Variants in UBTD1 observed in about 807,000 individuals in gnomAD.
UBTD1 encodes ubiquitin domain-containing protein 1.
UBTD1 carries 19 observed loss-of-function variants against 21.7 expected under a neutral mutation model. That is an observed-to-expected ratio of 0.87 (90% CI 0.61 to 1.28). UBTD1 has a LOEUF of 1.28. UBTD1 is among the 50% of genes most tolerant of loss of function. The pLI, the probability that UBTD1 is intolerant of heterozygous loss-of-function variation, is 0.00. For missense variants in UBTD1, 282 were observed against 315.1 expected (o/e 0.89, Z 0.80); for synonymous variants, 116 against 135.1 (o/e 0.86, Z 0.98).
chr10:97,502,920 T>TA (rs11270600), intron 1 of UBTD1, among the ~76,000 whole-genome samples: 34,627 of 135,900 alleles, frequency 0.25, 4,702 homozygotes, highest in East Asian at 0.5. Context: ...TATATATATA[T>TA]TTTTTTTTTT....
At position 97,498,984 on chromosome 10, in the gene UBTD1, C is replaced by T. The variant is rs1287986191; in HGVS notation, c.-220C>T. ...GGCACCGTCGCGGGCCCCCCTGGCC[C>T]GGCCACCTGGGACCGTGCTGGGGAG... On this transcript the variant is annotated 5_prime_UTR_variant, in exon 1 of 3. Transcript: ENST00000370664. 4 of 484,604 alleles carry T rather than the reference C, an allele frequency of 8.3e-6. No individual in the cohort carries two copies. Among genetic ancestry groups the T allele is most frequent in the Admixed American group, 4.3e-5 (1 of 23,346 alleles). 30.0% of individuals were successfully genotyped at this position (484,604 alleles called of 1,614,324 possible). A position where few individuals can be genotyped will look rare whatever the true frequency, so the allele number is the denominator to read the frequency against.
intron 1 of UBTD1, among the ~76,000 whole-genome samples, chr10:97,523,429 A>G (rs747351727): frequency 7.2e-5 from 11 of 152,094 alleles, no homozygotes; most frequent in Non-Finnish European, 1.5e-4. Flanking sequence ...TTGGAGAACT[A>G]AAGCTTGCTA....
At chr10:97,507,462 C>T (rs1236517500) in intron 1 of UBTD1, among the ~76,000 whole-genome samples, 1 of 150,474 alleles carries the variant, frequency 6.6e-6, no homozygotes, top group Non-Finnish European at 1.5e-5. Context: ...CATAGTGAGA[C>T]CTCGTCTCTA....
At position 97,528,981 on chromosome 10, in the gene UBTD1, G is replaced by C. The variant is rs547454222; in HGVS notation, c.70+29708G>C. Reference sequence around the variant, plus strand: ...CTCCCTCCCGGACAGGGTGGCTGCCGGGCGGAGACGCTCCTCACTTCCCAG... The same window carrying C: ...CTCCCTCCCGGACAGGGTGGCTGCCCGGCGGAGACGCTCCTCACTTCCCAG... On this transcript the variant is annotated intron_variant, in intron 1 of 2. Coordinates refer to ENST00000370664, the MANE Select transcript of UBTD1 (RefSeq NM_024954.5). Among the ~76,000 whole-genome samples, 4 of 152,070 alleles carry C rather than the reference G, an allele frequency of 2.6e-5. No individual in the cohort carries two copies. The East Asian group carries it at 5.9e-4, about 22-fold the overall frequency.
chr10:97,509,658 C>CA (rs2040413948), intron 1 of UBTD1, among the ~76,000 whole-genome samples: 2 of 151,846 alleles, frequency 1.3e-5, no homozygotes, highest in African/African-American at 4.8e-5. Context: ...CCTTTTTTTT[C>CA]CCCCCACCCT....
At chr10:97,563,522 A>T (rs1158987777) in intron 1 of UBTD1, among the ~76,000 whole-genome samples, 1 of 152,086 alleles carries the variant, frequency 6.6e-6, no homozygotes, top group Admixed American at 6.6e-5. Flanking sequence ...TGACTGGAGA[A>T]TGGGGGCAAG....
At chr10:97,543,825 C>A (rs1191114925) in intron 1 of UBTD1, among the ~76,000 whole-genome samples, 1 of 152,186 alleles carries the variant, frequency 6.6e-6, no homozygotes, top group Non-Finnish European at 1.5e-5. Context: ...GTCTTTTCTA[C>A]CTCCAGCCCG....
intron 1 of UBTD1, among the ~76,000 whole-genome samples, chr10:97,512,876 C>T (rs1329226069): frequency 6.6e-6 from 1 of 152,256 alleles, no homozygotes; most frequent in Non-Finnish European, 1.5e-5. Context: ...CCCAAAGGCC[C>T]TGTCCTTCAT....
intron 1 of UBTD1, among the ~76,000 whole-genome samples, chr10:97,526,027 G>A (rs1188741355): frequency 6.6e-6 from 1 of 152,202 alleles, no homozygotes; most frequent in African/African-American, 2.4e-5. Context: ...AAGATGGTCA[G>A]AGTGGGGAGA....
At chr10:97,530,863 T>A (rs7906491) in intron 1 of UBTD1, among the ~76,000 whole-genome samples, 2,403 of 151,808 alleles carry the variant, frequency 0.016, 66 homozygotes, top group African/African-American at 0.055. Flanking sequence ...TATATAATTT[T>A]TATTTTAAAA....
At chr10:97,550,114 G>C (rs1267176928) in intron 1 of UBTD1, among the ~76,000 whole-genome samples, 3 of 152,164 alleles carry the variant, frequency 2.0e-5, no homozygotes, top group Non-Finnish European at 4.4e-5. Context: ...GGACAAGGAG[G>C]CTCTTGTTCC....
At chr10:97,555,542 G>T (rs957859341) in intron 1 of UBTD1, among the ~76,000 whole-genome samples, 1 of 152,156 alleles carries the variant, frequency 6.6e-6, no homozygotes, top group Non-Finnish European at 1.5e-5. Flanking sequence ...TGGGAGCATC[G>T]GCAAGCTACT....
At chr10:97,500,188 G>GCAC (rs2040354962) in intron 1 of UBTD1, among the ~76,000 whole-genome samples, 1 of 152,186 alleles carries the variant, frequency 6.6e-6, no homozygotes, top group Non-Finnish European at 1.5e-5. Flanking sequence ...AGCTAGTTAG[G>GCAC]AGCTCACCTG....
chr10:97,507,774 CAAAAAAAAAAAAAAAA>C (rs61128714), intron 1 of UBTD1, among the ~76,000 whole-genome samples: 2 of 59,542 alleles, frequency 3.4e-5, no homozygotes, highest in Non-Finnish European at 3.2e-5. Flanking sequence ...GACTCCGTCT[CAAAAAAAAAAAAAAAA>C]AAAAAAAAAA....
At chr10:97,531,588 G>T (rs2040532288) in intron 1 of UBTD1, among the ~76,000 whole-genome samples, 1 of 152,204 alleles carries the variant, frequency 6.6e-6, no homozygotes, top group South Asian at 2.1e-4. Flanking sequence ...AATAAGAAAA[G>T]TGGTTGGACC....
chr10:97,561,128 C>T (rs769383386), intron 1 of UBTD1, among the ~76,000 whole-genome samples: 1 of 152,112 alleles, frequency 6.6e-6, no homozygotes, highest in Non-Finnish European at 1.5e-5. Context: ...GTTAATCCTC[C>T]GTGGGGGCCT....
At chr10:97,562,248 C>A (rs1288350492) in intron 1 of UBTD1, among the ~76,000 whole-genome samples, 2 of 152,136 alleles carry the variant, frequency 1.3e-5, no homozygotes, top group Non-Finnish European at 2.9e-5. Flanking sequence ...ACTACAGATA[C>A]AAAAATTAGC....
chr10:97,521,339 G>A (rs1287640989), intron 1 of UBTD1, among the ~76,000 whole-genome samples: 2 of 152,178 alleles, frequency 1.3e-5, no homozygotes, highest in Non-Finnish European at 2.9e-5. Context: ...TGGATGCCTG[G>A]CACTCATGAG....
chr10:97,506,140 G>T (rs911254651), intron 1 of UBTD1, among the ~76,000 whole-genome samples: 17 of 152,186 alleles, frequency 1.1e-4, no homozygotes, highest in Admixed American at 1.0e-3. Context: ...ACCTGGGGTG[G>T]GGGAGGGACC....
Sources: allele counts gnomAD v4.1 joint callset (sites outside exome capture counted in the v4.1 genomes callset), GRCh38; gene constraint gnomAD v4.1.1; transcripts MANE v1.5; gene names NCBI Gene and HGNC (gene_info 2026-07-23, HGNC 2026-07-21).